Variants in PLIN2 observed in about 807,000 individuals in gnomAD.
The protein encoded by PLIN2 is perilipin-2.
A neutral mutation model predicts 30.6 loss-of-function variants in PLIN2; 33 were observed. The observed-to-expected ratio is 1.08, with a 90% confidence interval of 0.82 to 1.44. The LOEUF (loss-of-function observed/expected upper bound fraction) is 1.44. PLIN2 is among the 40% of genes most tolerant of loss of function. The pLI is 0.00. For synonymous variants in PLIN2, 205 were observed against 201.1 expected (o/e 1.02, Z -0.16); for missense variants, 610 against 531.8 (o/e 1.15, Z -1.45).
At chr9:19,121,489 CAAAAAAAAAAA>C (rs375474450) in intron 4 of PLIN2, among the ~76,000 whole-genome samples, 1 of 45,264 alleles carries the variant, frequency 2.2e-5, no homozygotes, top group Admixed American at 2.5e-4. Flanking sequence ...GACCCTGTCT[CAAAAAAAAAAA>C]AAAAAAAAGA....
chr9:19,126,558 C>T, intron 1 of PLIN2, 110 bp from the exon 2 acceptor site: 1 of 703,410 alleles, frequency 1.4e-6, no homozygotes, highest in Non-Finnish European at 2.5e-6. Context: ...GGTGAGCTCC[C>T]TGTAGTCTTC....
chr9:19,109,555 G>A (rs796251493), intron 2 of PLIN2, among the ~76,000 whole-genome samples: 9 of 117,410 alleles, frequency 7.7e-5, no homozygotes, highest in African/African-American at 8.9e-5. Flanking sequence ...AAAAAAAAAA[G>A]AAAGAAAAGA....
chr9:19,125,932 AAAAAAGG>A lies in PLIN2; in HGVS notation c.226+175_226+181del. The A allele has an allele frequency of 1.8e-5, 10 of 554,760 alleles. No homozygotes were observed. In the South Asian group the frequency reaches 2.0e-4, roughly 11 times the overall value. 34.4% of individuals were successfully genotyped at this position (554,760 alleles called of 1,614,324 possible). ...AGTGAGACTCCATCTCAAAAAAAAA[AAAAAAGG>A]AAAGAAAAGAAAAGAAACAGTCCTC... On this transcript the variant is annotated intron_variant, in intron 3 of 7. Transcript: ENST00000276914.
chr9:19,111,812 G>A (rs760974934), downstream of PLIN2, among the ~76,000 whole-genome samples: 5 of 150,822 alleles, frequency 3.3e-5, no homozygotes, highest in African/African-American at 7.3e-5. Flanking sequence ...TTTTTTTTCC[G>A]CAGCCTTGAA....
At chr9:19,113,747 TG>T, downstream of PLIN2, among the ~76,000 whole-genome samples, 1 of 150,406 alleles carries the variant, frequency 6.6e-6, no homozygotes, top group East Asian at 2.0e-4. Flanking sequence ...CTAATTTTTG[TG>T]GGGTTTTTTG....
exon 3 of PLIN2, chr9:19,108,741 C>G (rs967087847): frequency 6.6e-6 from 1 of 152,594 alleles, no homozygotes; most frequent in African/African-American, 2.4e-5. Flanking sequence ...GTGGTGAAAT[C>G]AAACACCTGT....
chr9:19,114,927 C>A (rs962681987), downstream of PLIN2, among the ~76,000 whole-genome samples: 2 of 152,198 alleles, frequency 1.3e-5, no homozygotes, highest in Admixed American at 1.3e-4. Context: ...CCAACAACAA[C>A]TGAGGTTAGT....
rs1263290089 is a variant in PLIN2, at chr9:19,126,381, T to C, written c.30+16A>G. 1.2e-6 allele frequency: 2 copies of C among 1,613,960 alleles called. No individual in the cohort carries two copies. Among genetic ancestry groups the C allele is most frequent in the Non-Finnish European group, 1.7e-6 (2 of 1,179,878 alleles). On this transcript the variant is annotated intron_variant, in intron 2 of 7. Coordinates refer to ENST00000276914, the MANE Select transcript of PLIN2 (RefSeq NM_001122.4). ...AAAAGGAGAGAAAGTAGACAAAGGC[T>C]ACTCAAAATTCATACCGGTTGTGGA...
chr9:19,120,629 G>C (rs532398052), intron 5 of PLIN2, among the ~76,000 whole-genome samples: 10 of 152,196 alleles, frequency 6.6e-5, no homozygotes. Flanking sequence ...TGGATCGTTT[G>C]AGCCCAGGAG....
chr9:19,119,071 C>G (rs1256355187), intron 6 of PLIN2, among the ~76,000 whole-genome samples: 1 of 152,216 alleles, frequency 6.6e-6, no homozygotes, highest in Non-Finnish European at 1.5e-5. Flanking sequence ...CCTTCCTCTT[C>G]CCTGTTGCCA....
chr9:19,118,479 A>G lies in PLIN2; in HGVS notation c.778-24T>C, dbSNP rs746977215. Reference sequence around the variant, plus strand: ...ATCTAGACACATTGAAACAAGACAAAGGAACACACAAGTCAGATATTCACG... The same window carrying G: ...ATCTAGACACATTGAAACAAGACAAGGGAACACACAAGTCAGATATTCACG... On this transcript the variant is annotated intron_variant, in intron 6 of 7. Transcript: ENST00000276914. The G allele has an allele frequency of 4.4e-6, 7 of 1,605,048 alleles. No individual in the cohort carries two copies. The East Asian group carries it at 1.1e-4, about 26-fold the overall frequency.
At position 19,119,784 on chromosome 9, in the gene PLIN2, T is replaced by A; in HGVS notation, c.643A>T (p.Ser215Cys). Residue 215 changes from serine (S) to cysteine (C), a missense_variant, in exon 6 of 8, where the codon AGT becomes TGT. Transcript: ENST00000276914. ...VEGFDLVQKP[S>C]YYVRLGSLST... ...AGGGATCCCAGTCTAACATAATAACTTGGCTTCTGAACCAGATCAAATCCT... is the reference window on the plus strand; with the variant it reads ...AGGGATCCCAGTCTAACATAATAACATGGCTTCTGAACCAGATCAAATCCT... 1.2e-6 allele frequency: 2 copies of A among 1,602,818 alleles called. No individual in the cohort carries two copies. The highest frequency in any genetic ancestry group is 1.7e-6 in the Non-Finnish European group (2 of 1,172,994).
chr9:19,109,963 A>G (rs965170175), intron 2 of PLIN2, among the ~76,000 whole-genome samples: 9 of 151,940 alleles, frequency 5.9e-5, no homozygotes, highest in Non-Finnish European at 1.3e-4. Context: ...TTACAGGAAA[A>G]AAAAAAAAAT....
At chr9:19,119,566 C>T in intron 6 of PLIN2, 84 bp downstream of exon 6, 2 of 804,802 alleles carry the variant, frequency 2.5e-6, no homozygotes, top group South Asian at 2.5e-5. Context: ...GAATGAAATT[C>T]TTGGATTTTG....
At position 19,121,076 on chromosome 9, in the gene PLIN2, C is replaced by T. The variant is rs1335609710; in HGVS notation, c.399G>A (p.Thr133=). ...VTGAKDSVAS[T]ITGVMDKTKG... ...TGGTCTTGTCCATCACCCCTGTGAT[C>T]GTGCTGGCCACAGAATCCTTGGCCC... Residue 133 remains threonine, a synonymous_variant, in exon 5 of 8, where the codon ACG becomes ACA. Coordinates refer to ENST00000276914, the MANE Select transcript of PLIN2 (RefSeq NM_001122.4). 3.7e-6 allele frequency: 6 copies of T among 1,614,186 alleles called. No individual in the cohort carries two copies. The highest frequency in any genetic ancestry group is 1.1e-5 in the South Asian group (1 of 91,088).
At chr9:19,114,295 A>G (rs1295846335), downstream of PLIN2, among the ~76,000 whole-genome samples, 1 of 152,180 alleles carries the variant, frequency 6.6e-6, no homozygotes, top group Admixed American at 6.5e-5. Context: ...ATGGAGAGAA[A>G]GGGGTGAACC....
intron 7 of PLIN2, among the ~76,000 whole-genome samples, chr9:19,117,133 T>G (rs1818240390): frequency 6.6e-6 from 1 of 152,034 alleles, no homozygotes; most frequent in African/African-American, 2.4e-5. Context: ...TCCCTTCCTT[T>G]TTCTTTCTTT....
chr9:19,119,503 G>A (rs1347382026), intron 6 of PLIN2, 147 bp downstream of exon 6: 1 of 562,920 alleles, frequency 1.8e-6, no homozygotes, highest in Admixed American at 2.8e-5. Context: ...CTTTTTCTGT[G>A]AGCTGTCTCC....
rs1277939920 is a variant in PLIN2 at position 19,116,325 on chromosome 9, G to A, written c.1237C>T (p.Gln413Ter). The A allele has an allele frequency of 5.6e-6, 9 of 1,613,924 alleles. No individual in the cohort carries two copies. Among genetic ancestry groups the A allele is most frequent in the Non-Finnish European group, 7.6e-6 (9 of 1,180,018 alleles). Residue 413 changes from glutamine to a stop codon, truncating the protein, a stop_gained, in exon 8 of 8, where the codon CAG becomes TAG. Transcript: ENST00000276914. LOFTEE classifies it low-confidence loss of function (END_TRUNC). ...TCTGCACCTTGGTCCTGAGCATTCTGAGACTCAGTCAGCTGAGGATAAAAG... is the reference window on the plus strand; with the variant it reads ...TCTGCACCTTGGTCCTGAGCATTCTAAGACTCAGTCAGCTGAGGATAAAAG... ...GPFYPQLTES[Q>*]NAQDQGAEMD...
Sources: allele counts gnomAD v4.1 joint callset (sites outside exome capture counted in the v4.1 genomes callset), GRCh38; gene constraint gnomAD v4.1.1; transcripts MANE v1.5; gene names NCBI Gene and HGNC (gene_info 2026-07-23, HGNC 2026-07-21).